Variants in MICOS10 observed in about 807,000 individuals in gnomAD.
MICOS10 encodes the protein mitochondrial contact site and cristae organizing system subunit 10.
Under a neutral mutation model 13.4 loss-of-function variants are expected in MICOS10, and 5 were observed. That is an observed-to-expected ratio of 0.37 (90% CI 0.20 to 0.78). The LOEUF is 0.78. MICOS10 is among the 30% of genes least tolerant of loss of function. The probability of loss-of-function intolerance (pLI) is 0.47; values close to 1 mark genes in which losing one functional copy is unlikely to be tolerated. For synonymous variants in MICOS10, 35 were observed against 33.6 expected, an observed-to-expected ratio of 1.04 and a Z score of -0.15; for missense variants, 101 against 94.6, an observed-to-expected ratio of 1.07 and a Z score of -0.28.
intron 1 of MICOS10, chr1:19,600,816 G>A (rs1325511105): frequency 9.9e-7 from 1 of 1,005,666 alleles, no homozygotes; most frequent in South Asian, 1.3e-5. Context: ...TGCCCAGGCT[G>A]GTCTTGAACT....
chr1:19,601,092 G>A (rs534293956), intron 1 of MICOS10: 1 of 1,066,688 alleles, frequency 9.4e-7, no homozygotes, highest in African/African-American at 1.6e-5. Flanking sequence ...GTTTAGCATA[G>A]GTGTTGTATA....
intron 1 of MICOS10, among the ~76,000 whole-genome samples, chr1:19,614,906 T>C (rs936898302): frequency 6.6e-6 from 1 of 152,174 alleles, no homozygotes; most frequent in South Asian, 2.1e-4. Flanking sequence ...CACTCCTCAG[T>C]TCCCTGCACA....
rs2094922706 is a variant in MICOS10, at chr1:19,626,537, T to G, written c.*136T>G. ...AATGCTTTAAACTCCAGCACCTGGT[T>G]ATGCATTTGAAACCAAGTCTGTTTC... On this transcript the variant is annotated 3_prime_UTR_variant, in exon 4 of 4. Transcript: ENST00000322753. The G allele has an allele frequency of 1.1e-6, 1 of 898,652 alleles. No homozygotes were observed. Among genetic ancestry groups the G allele is most frequent in the Non-Finnish European group, 1.8e-6 (1 of 570,968 alleles). The allele number at this position is 898,652 out of a possible 1,614,324, so 55.7% of individuals were successfully genotyped here.
chr1:19,610,397 T>TTTG (rs1400197796), intron 1 of MICOS10, among the ~76,000 whole-genome samples: 1 of 87,430 alleles, frequency 1.1e-5, no homozygotes. Flanking sequence ...TTTTTTTTTT[T>TTTG]GGAGACAAGG....
chr1:19,616,297 G>A (rs911865904), intron 1 of MICOS10, among the ~76,000 whole-genome samples: 7 of 152,302 alleles, frequency 4.6e-5, no homozygotes, highest in African/African-American at 1.2e-4. Context: ...AGGATATAAT[G>A]AATCCCCGAT....
chr1:19,608,614 A>G, intron 1 of MICOS10: 1 of 722,120 alleles, frequency 1.4e-6, no homozygotes, highest in Non-Finnish European at 2.5e-6. Flanking sequence ...GCCTTCATGT[A>G]AAAAATAAAT....
At chr1:19,613,068 T>C (rs1381021318) in intron 1 of MICOS10, among the ~76,000 whole-genome samples, 5 of 152,188 alleles carry the variant, frequency 3.3e-5, no homozygotes, top group African/African-American at 1.2e-4. Context: ...CCATACCATC[T>C]CTTTCATTTC....
At position 19,608,136 on chromosome 1, in the gene MICOS10, A is replaced by G. The variant is rs574956873; in HGVS notation, c.64+11027A>G. On this transcript the variant is annotated intron_variant, in intron 1 of 3. Coordinates refer to ENST00000322753, the MANE Select transcript of MICOS10 (RefSeq NM_001032363.4). The stretch of plus-strand genomic sequence containing the variant: ...GAAATGGCACCTGGAAAGGGGAAGG[A>G]AAAGAAGGAAGAACAGGTCATCAAC... 9 of 1,171,666 alleles carry G rather than the reference A, an allele frequency of 7.7e-6. No homozygotes were observed. In the South Asian group the frequency reaches 8.5e-5, roughly 11 times the overall value. 72.6% of individuals were successfully genotyped at this position (1,171,666 alleles called of 1,614,324 possible).
chr1:19,622,072 T>G (rs754169401), intron 1 of MICOS10, 28 bp from the exon 2 acceptor site: 13 of 1,574,118 alleles, frequency 8.3e-6, no homozygotes, highest in Non-Finnish European at 1.1e-5. Context: ...GCTATGAGAT[T>G]TAGCATGTTT....
rs766592303 is a variant in MICOS10 at position 19,608,539 on chromosome 1, G to T, written c.64+11430G>T. The T allele has an allele frequency of 1.9e-5, 19 of 984,562 alleles. No individual in the cohort carries two copies. The African/African-American group carries it at 3.0e-4, about 16-fold the overall frequency. 61.0% of individuals were successfully genotyped at this position (984,562 alleles called of 1,614,324 possible). A position where few individuals can be genotyped will look rare whatever the true frequency, so the allele number is the denominator to read the frequency against. ...CCATCCCCTCTGACAGCACTCTCAGGAAGGGGGTCACCGTGGTCGCCGTCT... is the reference window on the plus strand; with the variant it reads ...CCATCCCCTCTGACAGCACTCTCAGTAAGGGGGTCACCGTGGTCGCCGTCT... On this transcript the variant is annotated intron_variant, in intron 1 of 3. Transcript: ENST00000322753.
At position 19,597,121 on chromosome 1, in the gene MICOS10, T is replaced by C; in HGVS notation, c.64+12T>C. ...GGTCGTGAAGATAGGTAAGGGGCTT[T>C]TCGCCCCAGCAGGCCCGGCCGGTGC... On this transcript the variant is annotated intron_variant, in intron 1 of 3. Transcript: ENST00000322753. 1.3e-6 allele frequency: 2 copies of C among 1,599,110 alleles called. No individual in the cohort carries two copies. The highest frequency in any genetic ancestry group is 1.7e-6 in the Non-Finnish European group (2 of 1,173,572).
chr1:19,614,076 A>T (rs544464444), intron 1 of MICOS10, among the ~76,000 whole-genome samples: 3 of 151,964 alleles, frequency 2.0e-5, no homozygotes, highest in Non-Finnish European at 2.9e-5. Context: ...ATTATATTTT[A>T]TTTATTTATT....
At position 19,596,990 on chromosome 1, in the gene MICOS10, A is replaced by C. The variant is rs1338629577; in HGVS notation, c.-56A>C. ...TGTTTCCAGCTCTCGCGAGACTTTCAGGGGTCGGAGCGCGGGGGCCGGCCG... is the reference window on the plus strand; with the variant it reads ...TGTTTCCAGCTCTCGCGAGACTTTCCGGGGTCGGAGCGCGGGGGCCGGCCG... On this transcript the variant is annotated 5_prime_UTR_variant, in exon 1 of 4. Coordinates refer to ENST00000322753, the MANE Select transcript of MICOS10 (RefSeq NM_001032363.4). 2.6e-6 allele frequency: 4 copies of C among 1,533,616 alleles called. No homozygotes were observed. In the Admixed American group the frequency reaches 6.4e-5, roughly 25 times the overall value.
At chr1:19,601,034 G>T in intron 1 of MICOS10, 1 of 1,284,970 alleles carries the variant, frequency 7.8e-7, no homozygotes, top group East Asian at 5.6e-5. Flanking sequence ...GTTCACCAGG[G>T]TTATTTTCCC....
At chr1:19,615,102 G>C (rs898354406) in intron 1 of MICOS10, among the ~76,000 whole-genome samples, 4 of 152,206 alleles carry the variant, frequency 2.6e-5, no homozygotes, top group Non-Finnish European at 5.9e-5. Context: ...ATGGCACTGA[G>C]GTTCTGCTTT....
chr1:19,617,288 T>C (rs1570497324), intron 1 of MICOS10: 2 of 985,230 alleles, frequency 2.0e-6, no homozygotes, highest in African/African-American at 3.5e-5. Flanking sequence ...ACCCGAGAAA[T>C]CCCTGCAGAT....
At chr1:19,607,865 G>C (rs1385016913) in intron 1 of MICOS10, among the ~76,000 whole-genome samples, 1 of 152,180 alleles carries the variant, frequency 6.6e-6, no homozygotes, top group Non-Finnish European at 1.5e-5. Context: ...AGAAGAGCTG[G>C]ACATATAAAT....
intron 1 of MICOS10, chr1:19,608,624 TAAAA>T (rs138778783): frequency 1.1e-5 from 8 of 705,314 alleles, no homozygotes; most frequent in African/African-American, 7.1e-5. Context: ...AAAAAATAAA[TAAAA>T]AAAGTGAAAC....
At chr1:19,613,642 A>G (rs1193895442) in intron 1 of MICOS10, among the ~76,000 whole-genome samples, 1 of 152,228 alleles carries the variant, frequency 6.6e-6, no homozygotes, top group Non-Finnish European at 1.5e-5. Flanking sequence ...ATCATTCCCC[A>G]GGGCGTGGCA....
Sources: allele counts gnomAD v4.1 joint callset (sites outside exome capture counted in the v4.1 genomes callset), GRCh38; gene constraint gnomAD v4.1.1; transcripts MANE v1.5; gene names NCBI Gene and HGNC (gene_info 2026-07-23, HGNC 2026-07-21).